The following EPHA6 variants were observed in gnomAD, a reference collection of about 807,000 sequenced individuals.
The protein encoded by EPHA6 is EPH receptor A6.
EPHA6 carries 50 observed loss-of-function variants against 112.0 expected under a neutral mutation model. The observed-to-expected ratio is 0.45, with a 90% CI of 0.36 to 0.56. EPHA6 has a LOEUF of 0.56. Ranked by LOEUF, EPHA6 falls within the 20% of genes least tolerant of loss-of-function variation. The probability of loss-of-function intolerance (pLI) is 0.00; values close to 1 mark genes in which losing one functional copy is unlikely to be tolerated. For synonymous variants in EPHA6, 529 were observed against 490.7 expected, an observed-to-expected ratio of 1.08 and a Z score of -1.03; for missense variants, 1,280 against 1,417.4, an observed-to-expected ratio of 0.90 and a Z score of 1.56.
At chr3:97,253,690 GT>G (rs2079211852) in intron 5 of EPHA6, among the ~76,000 whole-genome samples, 1 of 151,732 alleles carries the variant, frequency 6.6e-6, no homozygotes, top group Admixed American at 6.6e-5. Context: ...TTTTCATTTT[GT>G]TTTTTTACAA....
At chr3:97,228,310 C>T (rs1252249414) in intron 4 of EPHA6, among the ~76,000 whole-genome samples, 1 of 152,064 alleles carries the variant, frequency 6.6e-6, no homozygotes, top group Non-Finnish European at 1.5e-5. Context: ...TTTTATCACT[C>T]ACTACCCTCC....
At chr3:96,885,312 T>C (rs1019307996) in intron 2 of EPHA6, among the ~76,000 whole-genome samples, 29 of 152,192 alleles carry the variant, frequency 1.9e-4, no homozygotes, top group African/African-American at 6.8e-4. Context: ...TACCAATTCT[T>C]CTTTGAATGT....
chr3:97,277,792 G>A (rs539624304), intron 5 of EPHA6, among the ~76,000 whole-genome samples: 25 of 152,280 alleles, frequency 1.6e-4, no homozygotes, highest in Non-Finnish European at 3.4e-4. Flanking sequence ...AATTTGCTTG[G>A]ACTGGAAGTT....
At chr3:97,196,303 A>G (rs1292940106) in intron 3 of EPHA6, among the ~76,000 whole-genome samples, 1 of 151,510 alleles carries the variant, frequency 6.6e-6, no homozygotes, top group Non-Finnish European at 1.5e-5. Flanking sequence ...TGAATCTTTC[A>G]CCTCAAGAAC....
intron 2 of EPHA6, among the ~76,000 whole-genome samples, chr3:96,958,632 A>G (rs1250856715): frequency 6.6e-6 from 1 of 152,150 alleles, no homozygotes; most frequent in African/African-American, 2.4e-5. Context: ...ACAGTCCTTC[A>G]TTCCTCCCAT....
chr3:96,987,209 G>T (rs2043054474), intron 2 of EPHA6, 121 bp from the exon 3 acceptor site: 1 of 823,168 alleles, frequency 1.2e-6, no homozygotes, highest in Admixed American at 2.8e-5. Flanking sequence ...ACTTTGAGTA[G>T]CTTCATTTGT....
chr3:96,970,686 A>G (rs2042283829), intron 2 of EPHA6, among the ~76,000 whole-genome samples: 1 of 152,088 alleles, frequency 6.6e-6, no homozygotes, highest in African/African-American at 2.4e-5. Flanking sequence ...GGGAAGCTCT[A>G]TGATGAAAAG....
Position 97,224,802 on chromosome 3 carries a change from T to C in EPHA6, c.1115-1462T>C, listed in dbSNP as rs116088335. ...AAATACCACTGCAATATTTAGAATGTAAGCTCCCCATTTAGATTTATATAT... is the reference window on the plus strand; with the variant it reads ...AAATACCACTGCAATATTTAGAATGCAAGCTCCCCATTTAGATTTATATAT... On this transcript the variant is annotated intron_variant, in intron 3 of 17. Coordinates refer to ENST00000389672, the MANE Select transcript of EPHA6 (RefSeq NM_001080448.3). Among the ~76,000 whole-genome samples the C allele has an allele frequency of 5.7e-3, 866 of 152,282 alleles. 10 individuals are homozygous for C. The highest frequency in any genetic ancestry group is 9.0e-3 in the Non-Finnish European group (613 of 68,016).
At chr3:96,980,373 A>G (rs2107814080) in intron 2 of EPHA6, among the ~76,000 whole-genome samples, 1 of 150,116 alleles carries the variant, frequency 6.7e-6, no homozygotes, top group Non-Finnish European at 1.5e-5. Context: ...GATGTGTGGT[A>G]TTATTTCTGA....
chr3:96,993,447 ATAGTCTCAAT>A (rs1246699077), intron 3 of EPHA6, among the ~76,000 whole-genome samples: 1 of 151,874 alleles, frequency 6.6e-6, no homozygotes, highest in Non-Finnish European at 1.5e-5. Flanking sequence ...GTTGGACAGG[ATAGTCTCAAT>A]CTCCTGACCT....
chr3:97,470,922 T>C (rs1449229929), intron 7 of EPHA6, among the ~76,000 whole-genome samples: 1 of 151,866 alleles, frequency 6.6e-6, no homozygotes, highest in East Asian at 1.9e-4. Context: ...TTTTACACTA[T>C]GGATTTCAGA....
intron 3 of EPHA6, among the ~76,000 whole-genome samples, chr3:97,162,584 G>A (rs745689005): frequency 3.3e-5 from 5 of 152,204 alleles, no homozygotes; most frequent in Middle Eastern, 3.4e-3. Context: ...CTGGAAGATC[G>A]GATTATTCAT....
chr3:97,567,758 G>C (rs980404775), intron 11 of EPHA6, among the ~76,000 whole-genome samples: 2 of 152,166 alleles, frequency 1.3e-5, no homozygotes, highest in Non-Finnish European at 2.9e-5. Context: ...ACAAGAGGCA[G>C]CTCAGGAAAA....
At chr3:96,953,202 G>A (rs2041622403) in intron 2 of EPHA6, among the ~76,000 whole-genome samples, 1 of 151,206 alleles carries the variant, frequency 6.6e-6, no homozygotes, top group South Asian at 2.1e-4. Flanking sequence ...AAGTTAATTT[G>A]GTAATTCAAT....
chr3:96,948,398 C>G (rs761150269), intron 2 of EPHA6, among the ~76,000 whole-genome samples: 21 of 152,102 alleles, frequency 1.4e-4, no homozygotes, highest in Non-Finnish European at 2.5e-4. Context: ...TGTTTTGAAA[C>G]TTAGGAATCA....
rs771813763 is a variant in EPHA6, at chr3:96,814,904, C to A, written c.281C>A (p.Thr94Asn). 1 of 1,553,284 alleles carries A rather than the reference C, an allele frequency of 6.4e-7. No homozygotes were observed. The highest frequency in any genetic ancestry group is 2.4e-5 in the East Asian group (1 of 40,964). The change falls in exon 1 of 18, where the codon ACC (threonine) becomes AAC (asparagine). Residue 94 changes from threonine to asparagine, a missense_variant. Physicochemically the swap from Thr to Asn is moderately conservative, Grantham distance 65. Transcript: ENST00000389672. ...LRERKREPRR[T>N]MGGCEVREFL... ...GAGAGGAAAAGAGAGCCTAGGAGAA[C>A]CATGGGGGGCTGCGAAGTCCGGGAA...
At chr3:97,348,877 G>A (rs1044918511) in intron 5 of EPHA6, among the ~76,000 whole-genome samples, 4 of 152,014 alleles carry the variant, frequency 2.6e-5, no homozygotes, top group South Asian at 2.1e-4. Context: ...TGAGGGAGTC[G>A]ACATGACGGT....
chr3:97,563,753 C>A (rs563047473), intron 11 of EPHA6, among the ~76,000 whole-genome samples: 1 of 152,134 alleles, frequency 6.6e-6, no homozygotes, highest in South Asian at 2.1e-4. Flanking sequence ...ACCTTGAGGT[C>A]CAAAACATTC....
chr3:97,753,109 A>T lies in EPHA6; in HGVS notation c.*4408A>T, dbSNP rs547225483. On this transcript the variant is annotated 3_prime_UTR_variant, in exon 18 of 18. Coordinates refer to ENST00000389672, the MANE Select transcript of EPHA6 (RefSeq NM_001080448.3). ...TTGGTTTTTATAAGCAACATTTTCA[A>T]CAATTTTTCAATCTTTATAATGTTC... Among the ~76,000 whole-genome samples the T allele has an allele frequency of 8.9e-4, 136 of 152,294 alleles. No individual in the cohort carries two copies. The highest frequency in any genetic ancestry group is 3.2e-3 in the African/African-American group (133 of 41,578).
Sources: gnomAD v4.1 joint callset for allele counts (sites outside exome capture counted in the v4.1 genomes callset) on GRCh38, gnomAD v4.1.1 for gene constraint, MANE v1.5 for transcripts, NCBI Gene and HGNC (gene_info 2026-07-23, HGNC 2026-07-21) for gene names.